The following PRKCA variants were observed in gnomAD, a reference collection of about 807,000 sequenced individuals.
PRKCA encodes the protein protein kinase C alpha type.
PRKCA carries 27 observed loss-of-function variants against 87.0 expected under a neutral mutation model. The observed-to-expected ratio is 0.31, with a 90% CI of 0.23 to 0.43. The LOEUF (loss-of-function observed/expected upper bound fraction) is 0.43. PRKCA is among the 20% of genes least tolerant of loss of function. The probability of loss-of-function intolerance (pLI) is 1.00; values close to 1 mark genes in which losing one functional copy is unlikely to be tolerated. For missense variants in PRKCA, 518 were observed against 852.3 expected (o/e 0.61, Z 4.88); for synonymous variants, 329 against 311.1 (o/e 1.06, Z -0.61).
chr17:66,372,247 C>G (rs1011693362), intron 2 of PRKCA, among the ~76,000 whole-genome samples: 1 of 152,138 alleles, frequency 6.6e-6, no homozygotes, highest in African/African-American at 2.4e-5. Flanking sequence ...TTTAGTCCAG[C>G]GTCTTGGATG....
intron 2 of PRKCA, among the ~76,000 whole-genome samples, chr17:66,443,633 TG>T (rs1913882883): frequency 6.6e-6 from 1 of 152,204 alleles, no homozygotes; most frequent in Non-Finnish European, 1.5e-5. Flanking sequence ...CTGTGCTGCC[TG>T]CCCTGAAACG....
At chr17:66,451,078 G>A (rs898210974) in intron 2 of PRKCA, among the ~76,000 whole-genome samples, 2 of 152,102 alleles carry the variant, frequency 1.3e-5, no homozygotes, top group African/African-American at 4.8e-5. Context: ...AAGTGAATAT[G>A]TTCTGTGGAT....
At chr17:66,503,939 A>T (rs1279608889) in intron 3 of PRKCA, among the ~76,000 whole-genome samples, 1 of 152,212 alleles carries the variant, frequency 6.6e-6, no homozygotes, top group Non-Finnish European at 1.5e-5. Flanking sequence ...TCCTGAACTG[A>T]CACGGTAAAG....
intron 2 of PRKCA, among the ~76,000 whole-genome samples, chr17:66,391,868 TAGATCATCGGA>T (rs1910375991): frequency 6.6e-6 from 1 of 152,056 alleles, no homozygotes; most frequent in African/African-American, 2.4e-5. Context: ...CCTCTTGCGC[TAGATCATCGGA>T]AAGTAGGCAC....
At chr17:66,753,272 C>T (rs757686712) in intron 13 of PRKCA, among the ~76,000 whole-genome samples, 1 of 152,230 alleles carries the variant, frequency 6.6e-6, no homozygotes, top group Non-Finnish European at 1.5e-5. Flanking sequence ...TTTTAGACAA[C>T]AACCTGGGTA....
At chr17:66,756,943 G>A (rs565215024) in intron 13 of PRKCA, among the ~76,000 whole-genome samples, 22 of 152,274 alleles carry the variant, frequency 1.4e-4, no homozygotes, top group Admixed American at 9.2e-4. Context: ...GATTACAGGC[G>A]TGAGCCACCG....
At chr17:66,452,881 A>C (rs1406093925) in intron 2 of PRKCA, among the ~76,000 whole-genome samples, 2 of 152,228 alleles carry the variant, frequency 1.3e-5, no homozygotes, top group African/African-American at 2.4e-5. Flanking sequence ...AACAAACAAA[A>C]AAACAAACAA....
chr17:66,439,680 A>G (rs1913617500), intron 2 of PRKCA, among the ~76,000 whole-genome samples: 1 of 152,156 alleles, frequency 6.6e-6, no homozygotes. Context: ...CACAGTTGCA[A>G]AATAGGGTGC....
chr17:66,790,490 G>A (rs1975505860), intron 16 of PRKCA, among the ~76,000 whole-genome samples: 1 of 152,118 alleles, frequency 6.6e-6, no homozygotes, highest in Non-Finnish European at 1.5e-5. Flanking sequence ...GTGATTAATG[G>A]TGCTGCAAGT....
chr17:66,801,049 T>C (rs1975887844), intron 16 of PRKCA, among the ~76,000 whole-genome samples: 2 of 152,332 alleles, frequency 1.3e-5, no homozygotes, highest in South Asian at 2.1e-4. Context: ...ATGTTCCCAA[T>C]GCCGACTCTA....
At chr17:66,368,394 T>A (rs1252949756) in intron 2 of PRKCA, among the ~76,000 whole-genome samples, 47 of 110,126 alleles carry the variant, frequency 4.3e-4, no homozygotes, top group African/African-American at 1.6e-3. Context: ...ATATTTTTTT[T>A]TTTTTTTTTT....
At position 66,774,269 on chromosome 17, in the gene PRKCA, A is replaced by G. The variant is rs1975000258; in HGVS notation, c.1605+202A>G. 2.1e-6 allele frequency: 3 copies of G among 1,415,930 alleles called. No homozygotes were observed. The Admixed American group carries it at 8.0e-5, about 38-fold the overall frequency. 87.7% of individuals were successfully genotyped at this position (1,415,930 alleles called of 1,614,324 possible). ...GCACAGAAATTATCTCTGGTCATAGAAACTCCAAATTGAAAGCTACAACCT... is the reference window on the plus strand; with the variant it reads ...GCACAGAAATTATCTCTGGTCATAGGAACTCCAAATTGAAAGCTACAACCT... On this transcript the variant is annotated intron_variant, in intron 14 of 16. Transcript: ENST00000413366.
At chr17:66,390,062 A>G (rs1448835909) in intron 2 of PRKCA, among the ~76,000 whole-genome samples, 1 of 152,190 alleles carries the variant, frequency 6.6e-6, no homozygotes, top group Non-Finnish European at 1.5e-5. Flanking sequence ...CGTCTCTACT[A>G]AAAATACAAA....
intron 8 of PRKCA, among the ~76,000 whole-genome samples, chr17:66,724,298 A>G (rs1460588756): frequency 6.6e-6 from 1 of 151,484 alleles, no homozygotes; most frequent in African/African-American, 2.4e-5. Flanking sequence ...TCCATCTCAA[A>G]AAAAAAAAAA....
intron 8 of PRKCA, among the ~76,000 whole-genome samples, chr17:66,695,338 T>G (rs1343494294): frequency 1.3e-5 from 2 of 152,210 alleles, no homozygotes; most frequent in African/African-American, 2.4e-5. Context: ...AAACGAAACA[T>G]ACGTTTGCTC....
chr17:66,628,959 G>T (rs1296840663), intron 3 of PRKCA, among the ~76,000 whole-genome samples: 1 of 152,230 alleles, frequency 6.6e-6, no homozygotes, highest in Non-Finnish European at 1.5e-5. Flanking sequence ...AACCTGGGAG[G>T]CAGAGGTTGC....
chr17:66,700,185 C>G (rs1300315741), intron 8 of PRKCA, among the ~76,000 whole-genome samples: 1 of 152,102 alleles, frequency 6.6e-6, no homozygotes, highest in Non-Finnish European at 1.5e-5. Flanking sequence ...ACAACATTAA[C>G]AGAACGAAGG....
chr17:66,664,731 G>A (rs1362379030), intron 5 of PRKCA, among the ~76,000 whole-genome samples: 1 of 123,628 alleles, frequency 8.1e-6, no homozygotes, highest in Non-Finnish European at 1.6e-5. Context: ...ATAGCTCACC[G>A]CAGCCATGAT....
At chr17:66,379,582 T>C (rs1909669284) in intron 2 of PRKCA, among the ~76,000 whole-genome samples, 1 of 152,244 alleles carries the variant, frequency 6.6e-6, no homozygotes, top group South Asian at 2.1e-4. Context: ...GCTTCACTAA[T>C]TGTAATTTTG....
Sources: allele counts gnomAD v4.1 joint callset (sites outside exome capture counted in the v4.1 genomes callset), GRCh38; gene constraint gnomAD v4.1.1; transcripts MANE v1.5; gene names NCBI Gene and HGNC (gene_info 2026-07-23, HGNC 2026-07-21).